RREB1: variants seen among roughly 807,000 people sequenced by gnomAD.
RREB1 encodes ras-responsive element-binding protein 1.
In RREB1, 27 loss-of-function variants were observed where a neutral mutation model predicts 117.8. The ratio of observed to expected loss-of-function variants is 0.23; its 90% CI spans 0.17 to 0.32. The LOEUF (loss-of-function observed/expected upper bound fraction) is 0.32, where lower values mean the gene tolerates loss of function less well. RREB1 is among the 10% of genes least tolerant of loss of function. The pLI, the probability that RREB1 is intolerant of heterozygous loss-of-function variation, is 1.00. For synonymous variants in RREB1, 1,298 were observed against 1,026.7 expected, an observed-to-expected ratio of 1.26 and a Z score of -5.05; for missense variants, 2,577 against 2,378.2, an observed-to-expected ratio of 1.08 and a Z score of -1.74.
intron 6 of RREB1, among the ~76,000 whole-genome samples, chr6:7,189,741 T>C (rs539270030): frequency 3.6e-4 from 55 of 152,324 alleles, no homozygotes; most frequent in South Asian, 3.5e-3. Flanking sequence ...TCTGGGACCT[T>C]TTAATAAATA....
At chr6:7,127,877 G>A (rs114194078) in intron 1 of RREB1, among the ~76,000 whole-genome samples, 1 of 152,146 alleles carries the variant, frequency 6.6e-6, no homozygotes, top group African/African-American at 2.4e-5. Context: ...TCCTCTGCTT[G>A]GATCCACCCC....
rs568763747 is a variant in RREB1 at position 7,124,004 on chromosome 6, T to C, written c.-285+15944T>C. On this transcript the variant is annotated intron_variant, in intron 1 of 12. Coordinates refer to ENST00000379938, the MANE Select transcript of RREB1 (RefSeq NM_001003699.4). ...GCTAAGAATGCGGCATTGGGATACA[T>C]GGTATAAAAATTACTTTTTCCTTAG... 3.9e-5 allele frequency among the ~76,000 whole-genome samples: 6 copies of C among 152,312 alleles called. No homozygotes were observed. In the South Asian group the frequency reaches 1.2e-3, roughly 32 times the overall value.
chr6:7,113,249 A>T (rs1193455565), intron 1 of RREB1, among the ~76,000 whole-genome samples: 1 of 152,242 alleles, frequency 6.6e-6, no homozygotes, highest in Non-Finnish European at 1.5e-5. Context: ...ATTGTCAGAC[A>T]GCCAGAGTGA....
chr6:7,246,841 G>A lies in RREB1; in HGVS notation c.4391G>A (p.Ser1464Asn), dbSNP rs780861961. 3.2e-6 allele frequency: 5 copies of A among 1,553,300 alleles called. No individual in the cohort carries two copies. The highest frequency in any genetic ancestry group is 2.0e-5 in the Admixed American group (1 of 51,234). Residue 1464 changes from serine (S) to asparagine (N), a missense_variant, in exon 12 of 13, where the codon AGC becomes AAC. Physicochemically the swap from Ser to Asn is conservative, Grantham distance 46. Coordinates refer to ENST00000379938, the MANE Select transcript of RREB1 (RefSeq NM_001003699.4). ...AGCTTCAAGTTCCTGGGCACCCTGA[G>A]CCGCCACCGGAAGGCGCACGGCCGC... ...GKSFKFLGTL[S>N]RHRKAHGRQE... is the part of the protein sequence containing the mutation.
intron 8 of RREB1, among the ~76,000 whole-genome samples, chr6:7,220,006 C>T (rs907810096): frequency 2.0e-5 from 3 of 152,276 alleles, no homozygotes; most frequent in African/African-American, 7.2e-5. Context: ...GCCCCAATTC[C>T]ACACACCCCA....
chr6:7,236,858 T>A (rs1768357657), intron 10 of RREB1, among the ~76,000 whole-genome samples: 1 of 149,516 alleles, frequency 6.7e-6, no homozygotes, highest in African/African-American at 2.5e-5. Flanking sequence ...GAGTAAACAC[T>A]GGCTAATTTT....
In RREB1 at chr6:7,232,564, G is replaced by A. The variant is rs115773044; in HGVS notation, c.3808+657G>A. 4.3e-3 allele frequency among the ~76,000 whole-genome samples: 649 copies of A among 152,188 alleles called. 4 individuals carry two copies. The highest frequency in any genetic ancestry group is 0.015 in the African/African-American group (610 of 41,512). On this transcript the variant is annotated intron_variant, in intron 10 of 12. Transcript: ENST00000379938. ...AAGCCTTTCTGAGAAACTTCTCTCA[G>A]AAGGGCCTGGCGCTGGTCCAGGTGA...
At chr6:7,127,117 G>A (rs115631737) in intron 1 of RREB1, among the ~76,000 whole-genome samples, 1,998 of 152,220 alleles carry the variant, frequency 0.013, 22 homozygotes, top group Non-Finnish European at 0.021. Flanking sequence ...CTAGAGGATA[G>A]GGCTTAGGCG....
chr6:7,162,203 G>A (rs1273520830), intron 1 of RREB1, among the ~76,000 whole-genome samples: 1 of 151,766 alleles, frequency 6.6e-6, no homozygotes, highest in Non-Finnish European at 1.5e-5. Context: ...ATTTTGCTAA[G>A]TAAGGGCATT....
chr6:7,241,938 T>C (rs1339027040), intron 11 of RREB1, among the ~76,000 whole-genome samples: 4 of 149,356 alleles, frequency 2.7e-5, no homozygotes, highest in Non-Finnish European at 4.5e-5. Context: ...AAAGATGACC[T>C]GGAGTTCAGC....
In RREB1 at chr6:7,170,884, A is replaced by G. The variant is rs140167469; in HGVS notation, c.-284-5771A>G. ...TTCATGAGCTGGTTCTCAGGGCTGGATGGAAGCCTCCAGAGAGCTGTTAAC... is the reference window on the plus strand; with the variant it reads ...TTCATGAGCTGGTTCTCAGGGCTGGGTGGAAGCCTCCAGAGAGCTGTTAAC... On this transcript the variant is annotated intron_variant, in intron 1 of 12. Transcript: ENST00000379938. Among the ~76,000 whole-genome samples, 4 of 152,260 alleles carry G rather than the reference A, an allele frequency of 2.6e-5. No homozygotes were observed. In the East Asian group the frequency reaches 7.7e-4, roughly 29 times the overall value.
intron 6 of RREB1, among the ~76,000 whole-genome samples, chr6:7,210,445 A>G (rs1311557605): frequency 6.6e-6 from 1 of 152,242 alleles, no homozygotes; most frequent in East Asian, 1.9e-4. Context: ...CAGTTTAGGT[A>G]TCTGGGAATT....
chr6:7,115,984 C>T (rs1302992841), intron 1 of RREB1, among the ~76,000 whole-genome samples: 2 of 152,190 alleles, frequency 1.3e-5, no homozygotes, highest in African/African-American at 2.4e-5. Flanking sequence ...GCTGTTCTAT[C>T]GTTTCTGACC....
intron 3 of RREB1, 65 bp from the exon 4 acceptor site, chr6:7,181,805 C>A: frequency 8.9e-7 from 1 of 1,127,004 alleles, no homozygotes; most frequent in Non-Finnish European, 1.3e-6. Flanking sequence ...CCATGGCCAG[C>A]GCCCCCTGGC....
At chr6:7,115,217 G>A (rs1761339406) in intron 1 of RREB1, among the ~76,000 whole-genome samples, 1 of 152,136 alleles carries the variant, frequency 6.6e-6, no homozygotes, top group South Asian at 2.1e-4. Flanking sequence ...TAGGGAGGGA[G>A]TAAGGGGATG....
At chr6:7,142,381 A>G (rs1762644737) in intron 1 of RREB1, among the ~76,000 whole-genome samples, 1 of 151,846 alleles carries the variant, frequency 6.6e-6, no homozygotes. Context: ...TCCCCCCGCA[A>G]AGCTGGACGC....
At chr6:7,211,749 T>A (rs1433203144) in intron 8 of RREB1, 40 bp downstream of exon 8, 1 of 1,607,438 alleles carries the variant, frequency 6.2e-7, no homozygotes, top group Non-Finnish European at 8.5e-7. Flanking sequence ...CATTCCTGTT[T>A]CTCCTGGCAT....
chr6:7,146,044 G>A (rs746807139), intron 1 of RREB1, among the ~76,000 whole-genome samples: 38 of 150,332 alleles, frequency 2.5e-4, no homozygotes, highest in Non-Finnish European at 5.0e-4. Flanking sequence ...TCTGCGCACC[G>A]TCTCCCCACC....
intron 1 of RREB1, among the ~76,000 whole-genome samples, chr6:7,124,521 A>G (rs1761825309): frequency 6.6e-6 from 1 of 152,150 alleles, no homozygotes; most frequent in South Asian, 2.1e-4. Context: ...TAAACACCAG[A>G]AACTGCAAGT....
Sources: allele counts gnomAD v4.1 joint callset (sites outside exome capture counted in the v4.1 genomes callset), GRCh38; gene constraint gnomAD v4.1.1; transcripts MANE v1.5; gene names NCBI Gene and HGNC (gene_info 2026-07-23, HGNC 2026-07-21).